The following MYRF variants were observed in gnomAD, a reference collection of about 807,000 sequenced individuals.
MYRF encodes myelin gene regulatory factor.
In MYRF, 16 loss-of-function variants were observed where a neutral mutation model predicts 126.3. The ratio of observed to expected loss-of-function variants is 0.13; its 90% CI spans 0.09 to 0.19. The LOEUF is 0.19. Among genes scored for constraint, MYRF ranks in the 10% least tolerant of loss-of-function variants. The pLI is 1.00. For missense variants in MYRF, 1,104 were observed against 1,547.0 expected, an observed-to-expected ratio of 0.71 and a Z score of 4.80; for synonymous variants, 608 against 635.3, an observed-to-expected ratio of 0.96 and a Z score of 0.65.
chr11:61,785,954 C>A, intron 26 of MYRF, 80 bp downstream of exon 26: 1 of 1,564,156 alleles, frequency 6.4e-7, no homozygotes, highest in South Asian at 1.1e-5. Context: ...GGGGGGTTTG[C>A]ACAGTATGTG....
chr11:61,771,495 C>T lies in MYRF; in HGVS notation c.741-5C>T. 1 of 1,609,344 alleles carries T rather than the reference C, an allele frequency of 6.2e-7. No individual in the cohort carries two copies. ...CCCCCACGGCGCACACTTCTGTTTC[C>T]CCAGGCTCCCTACACACCCCTCCAA... is the stretch of plus-strand genomic sequence containing the variant. On this transcript the variant is annotated splice_region_variant and splice_polypyrimidine_tract_variant and intron_variant, in intron 5 of 26. Transcript: ENST00000278836.
Position 61,783,875 on chromosome 11 carries a change from C to T in MYRF, c.3144C>T (p.Ile1048=), listed in dbSNP as rs753268108. 1.9e-6 allele frequency: 3 copies of T among 1,609,436 alleles called. No homozygotes were observed. Among genetic ancestry groups the T allele is most frequent in the Non-Finnish European group, 2.5e-6 (3 of 1,177,806 alleles). Residue 1048 remains isoleucine (I), a synonymous_variant, in exon 24 of 27, where the codon ATC becomes ATT. Coordinates refer to ENST00000278836, the MANE Select transcript of MYRF (RefSeq NM_001127392.3). The surrounding 1 kb of genome is among the most constrained non-coding windows in gnomAD (Gnocchi z 4.6). ...GGCCTGGGAACTTCACCTACCACAT[C>T]CCTGTCAGTAGTGGCACCCCACTGC... is the stretch of plus-strand genomic sequence containing the variant. ...ACRPGNFTYH[I]PVSSGTPLHL...
rs1054397118 is a variant in MYRF, at chr11:61,766,099, C to T, written c.276C>T (p.Pro92=). The T allele has an allele frequency of 3.7e-6, 6 of 1,607,440 alleles. 1 individual carries two copies. The Admixed American group carries it at 5.0e-5, about 13-fold the overall frequency. ...CGGGGCGCCATGGTCCCCTCCCACC[C>T]CCGGGCTACGGCACCCCGCTGAACT... ...PSPGRHGPLP[P]PGYGTPLNCN... is the part of the protein sequence containing the mutation. Residue 92 remains proline (P), a synonymous_variant, in exon 3 of 27, where the codon CCC becomes CCT. Coordinates refer to ENST00000278836, the MANE Select transcript of MYRF (RefSeq NM_001127392.3).
intron 1 of MYRF, among the ~76,000 whole-genome samples, chr11:61,756,252 G>C (rs1261836735): frequency 4.6e-5 from 7 of 152,122 alleles, no homozygotes; most frequent in Admixed American, 4.6e-4. Flanking sequence ...GCCAGAGTTA[G>C]CCAGAGTGGA....
chr11:61,753,860 A>G (rs1332559002), intron 1 of MYRF, among the ~76,000 whole-genome samples: 1 of 151,626 alleles, frequency 6.6e-6, no homozygotes. Flanking sequence ...TGGGAGGGGG[A>G]GGGGAAGTTC....
In MYRF at chr11:61,783,908, C is replaced by A; in HGVS notation, c.3177C>A (p.Ser1059Arg). 6.2e-7 allele frequency: 1 copy of A among 1,606,706 alleles called. No individual in the cohort carries two copies. The highest frequency in any genetic ancestry group is 1.3e-5 in the African/African-American group (1 of 74,964). ...PVSSGTPLHL[S>R]LTLQMNSSSP... ...GTAGTGGCACCCCACTGCACCTCAG[C>A]CTGACTCTGCAGATGAAGTGAGTGC... The change falls in exon 24 of 27, where the codon AGC becomes AGA. Residue 1059 changes from serine (S) to arginine (R), a missense_variant. By Grantham distance (110) the Ser-to-Arg change is moderately radical. This residue lies in a region of MYRF where 94 missense variants were observed against 164.6 expected (regional missense o/e 0.57). Coordinates refer to ENST00000278836, the MANE Select transcript of MYRF (RefSeq NM_001127392.3). This position sits in a 1 kb window ranked among gnomAD's most constrained non-coding sequence, Gnocchi z 4.6.
intron 21 of MYRF, 31 bp downstream of exon 21, chr11:61,781,360 CG>C (rs1565304928): frequency 6.2e-7 from 1 of 1,608,650 alleles, no homozygotes; most frequent in East Asian, 2.2e-5. Flanking sequence ...GGGCTTGGGG[CG>C]GGGGCTACCT....
In MYRF at chr11:61,783,935, G is replaced by C. The variant is rs769945947; in HGVS notation, c.3194+10G>C. ...TGACTCTGCAGATGAAGTGAGTGCC[G>C]GTGTGGGGAAGTGGGAGGCAGGAGG... is the stretch of plus-strand genomic sequence containing the variant. On this transcript the variant is annotated intron_variant, in intron 24 of 26. Coordinates refer to ENST00000278836, the MANE Select transcript of MYRF (RefSeq NM_001127392.3). The surrounding 1 kb of genome is among the most constrained non-coding windows in gnomAD (Gnocchi z 4.6). 7.5e-5 allele frequency: 120 copies of C among 1,594,794 alleles called. No individual in the cohort carries two copies. The highest frequency in any genetic ancestry group is 3.2e-4 in the South Asian group (28 of 88,246).
chr11:61,757,599 A>G lies in MYRF; in HGVS notation c.46+4809A>G, dbSNP rs757792091. On this transcript the variant is annotated intron_variant, in intron 1 of 26. Coordinates refer to ENST00000278836, the MANE Select transcript of MYRF (RefSeq NM_001127392.3). This position sits in a 1 kb window ranked among gnomAD's most constrained non-coding sequence, Gnocchi z 4.7. ...GCCTGAACCATGACAGCTCTGGCCCAGCGTGGCCTGGTCCTGGTCCCTGGC... is the reference window on the plus strand; with the variant it reads ...GCCTGAACCATGACAGCTCTGGCCCGGCGTGGCCTGGTCCTGGTCCCTGGC... 6.6e-6 allele frequency: 3 copies of G among 455,886 alleles called. No homozygotes were observed. The highest frequency in any genetic ancestry group is 1.3e-5 in the Non-Finnish European group (3 of 226,526). The allele number at this position is 455,886 out of a possible 1,614,324, so 28.2% of individuals were successfully genotyped here.
In MYRF at chr11:61,783,410, T is replaced by G; in HGVS notation, c.3017-88T>G. ...AACCTGGAACTTATTCATACTAAGG[T>G]GTGAGTGACTGCTTCAAGTCTGGCA... On this transcript the variant is annotated intron_variant, in intron 22 of 26. Transcript: ENST00000278836. The surrounding 1 kb of genome is among the most constrained non-coding windows in gnomAD (Gnocchi z 4.6). The G allele has an allele frequency of 4.1e-6, 4 of 964,364 alleles. No homozygotes were observed. Among genetic ancestry groups the G allele is most frequent in the Non-Finnish European group, 6.6e-6 (4 of 608,254 alleles). 59.7% of individuals were successfully genotyped at this position (964,364 alleles called of 1,614,324 possible). A position where few individuals can be genotyped will look rare whatever the true frequency, so the allele number is the denominator to read the frequency against.
At position 61,781,627 on chromosome 11, in the gene MYRF, G is replaced by A. The variant is rs1456811963; in HGVS notation, c.2819G>A (p.Gly940Asp). 6.2e-7 allele frequency: 1 copy of A among 1,613,904 alleles called. No individual in the cohort carries two copies. Among genetic ancestry groups the A allele is most frequent in the Admixed American group, 1.7e-5 (1 of 60,030 alleles). Residue 940 changes from glycine (G) to aspartate (D), a missense_variant, in exon 22 of 27, where the codon GGT (glycine) becomes GAT (aspartate). Coordinates refer to ENST00000278836, the MANE Select transcript of MYRF (RefSeq NM_001127392.3). Reference protein sequence around the residue: ...PVTNIRAKSWGLSVNGIGHSK... With the variant: ...PVTNIRAKSWDLSVNGIGHSK... ...ACCAACATCAGAGCCAAGTCCTGGG[G>A]TCTTTCAGTCAATGGCATTGGCCAC... is the stretch of plus-strand genomic sequence containing the variant.
rs533753742 is a variant in MYRF at position 61,775,939 on chromosome 11, G to T, written c.1312-117G>T. 2.1e-3 allele frequency: 1,980 copies of T among 924,926 alleles called. 4 individuals carry two copies. The highest frequency in any genetic ancestry group is 3.3e-3 in the Admixed American group (175 of 52,596). 57.3% of individuals were successfully genotyped at this position (924,926 alleles called of 1,614,324 possible). A position where few individuals can be genotyped will look rare whatever the true frequency, so the allele number is the denominator to read the frequency against. On this transcript the variant is annotated intron_variant, in intron 8 of 26. Transcript: ENST00000278836. ...TGTGGGAATCGCGGCTGAGGGCTGG[G>T]TGCTGCCCTGTTTCCTGGTGAGCTC...
At chr11:61,785,752 G>A (rs1161548580) in intron 25 of MYRF, 48 bp from the exon 26 acceptor site, 1 of 1,514,028 alleles carries the variant, frequency 6.6e-7, no homozygotes, top group African/African-American at 1.4e-5. Context: ...GATGCTGGTT[G>A]GGATAAGGGC....
At chr11:61,755,668 T>A in intron 1 of MYRF, 1 of 710,468 alleles carries the variant, frequency 1.4e-6, no homozygotes. Context: ...GAGAAGAACC[T>A]CAGCTCTGAA....
rs1405249963 is a variant in MYRF at position 61,776,480 on chromosome 11, G to A, written c.1499+48G>A. 1.3e-6 allele frequency: 2 copies of A among 1,517,890 alleles called. No homozygotes were observed. Among genetic ancestry groups the A allele is most frequent in the South Asian group, 2.3e-5 (2 of 85,464 alleles). 94.0% of individuals were successfully genotyped at this position (1,517,890 alleles called of 1,614,324 possible). On this transcript the variant is annotated intron_variant, in intron 10 of 26. Coordinates refer to ENST00000278836, the MANE Select transcript of MYRF (RefSeq NM_001127392.3). The surrounding 1 kb of genome is among the most constrained non-coding windows in gnomAD (Gnocchi z 4.3). Reference sequence around the variant, plus strand: ...CCGGAGCCCCTCCATTTCTGAGGCAGGAAGACACTGCCCTGGGTGGCACAC... The same window carrying A: ...CCGGAGCCCCTCCATTTCTGAGGCAAGAAGACACTGCCCTGGGTGGCACAC...
chr11:61,780,199 G>T, intron 17 of MYRF, 23 bp from the exon 18 acceptor site: 1 of 1,613,456 alleles, frequency 6.2e-7, no homozygotes, highest in Non-Finnish European at 8.5e-7. Context: ...AGCTCTAACG[G>T]TCACCCTTTT....
chr11:61,777,682 T>A lies in MYRF; in HGVS notation c.1792-52T>A. Reference sequence around the variant, plus strand: ...TGCCGCCCTCCTGGGCTCCGGGGCCTGCTCCGGGACGGCCGCAGGAGGGGT... The same window carrying A: ...TGCCGCCCTCCTGGGCTCCGGGGCCAGCTCCGGGACGGCCGCAGGAGGGGT... On this transcript the variant is annotated intron_variant, in intron 12 of 26. Transcript: ENST00000278836. This position sits in a 1 kb window ranked among gnomAD's most constrained non-coding sequence, Gnocchi z 8.8. 6.6e-7 allele frequency: 1 copy of A among 1,513,022 alleles called. No individual in the cohort carries two copies. The highest frequency in any genetic ancestry group is 9.0e-7 in the Non-Finnish European group (1 of 1,115,340). The allele number at this position is 1,513,022 out of a possible 1,614,324, so 93.7% of individuals were successfully genotyped here.
chr11:61,769,051 G>A (rs2066136583), intron 3 of MYRF, among the ~76,000 whole-genome samples: 1 of 152,156 alleles, frequency 6.6e-6, no homozygotes, highest in Non-Finnish European at 1.5e-5. Context: ...GGGATCCTGG[G>A]CGGTCCCCTA....
rs1241168915 is a variant in MYRF at position 61,778,272 on chromosome 11, G to T, written c.1904-108G>T. The T allele has an allele frequency of 2.6e-6, 2 of 778,718 alleles. No homozygotes were observed. Among genetic ancestry groups the T allele is most frequent in the African/African-American group, 3.4e-5 (2 of 58,512 alleles). 48.2% of individuals were successfully genotyped at this position (778,718 alleles called of 1,614,324 possible). A position where few individuals can be genotyped will look rare whatever the true frequency, so the allele number is the denominator to read the frequency against. On this transcript the variant is annotated intron_variant, in intron 13 of 26. Coordinates refer to ENST00000278836, the MANE Select transcript of MYRF (RefSeq NM_001127392.3). The surrounding 1 kb of genome is among the most constrained non-coding windows in gnomAD (Gnocchi z 4.6). ...GGGCTCCTTGGAATCCAAATCTCTG[G>T]GTTCCAGAACTTCACCCTCTCCAGT...
Sources: allele counts gnomAD v4.1 joint callset (sites outside exome capture counted in the v4.1 genomes callset), GRCh38; gene constraint gnomAD v4.1.1; regional missense constraint gnomAD v4.1.1; non-coding constraint Gnocchi (gnomAD v3.1); transcripts MANE v1.5; gene names NCBI Gene and HGNC (gene_info 2026-07-23, HGNC 2026-07-21).